SLCO5A1: variants seen among roughly 807,000 people sequenced by gnomAD.
SLCO5A1 encodes organic anion transporter polypeptide-related protein 4.
SLCO5A1 carries 39 observed loss-of-function variants against 65.1 expected under a neutral mutation model. That is an observed-to-expected ratio of 0.60 (90% CI 0.46 to 0.78). The LOEUF (loss-of-function observed/expected upper bound fraction) is 0.78, where lower values mean the gene tolerates loss of function less well. SLCO5A1 is among the 30% of genes least tolerant of loss of function. The pLI is 0.00. For synonymous variants in SLCO5A1, 438 were observed against 415.7 expected (o/e 1.05, Z -0.65); for missense variants, 1,029 against 1,069.4 (o/e 0.96, Z 0.53).
chr8:69,687,029 C>G (rs957714313), intron 6 of SLCO5A1, among the ~76,000 whole-genome samples: 1 of 134,782 alleles, frequency 7.4e-6, no homozygotes, highest in Non-Finnish European at 1.6e-5. Flanking sequence ...GGACATAACA[C>G]GCGCTAAGAT....
chr8:69,694,584 G>C (rs1365271998), intron 6 of SLCO5A1, among the ~76,000 whole-genome samples: 1 of 152,210 alleles, frequency 6.6e-6, no homozygotes, highest in Non-Finnish European at 1.5e-5. Context: ...GAGCAAAGCT[G>C]AAATGTAGCT....
At chr8:69,673,831 G>A (rs1376873665) in intron 9 of SLCO5A1, among the ~76,000 whole-genome samples, 1 of 152,166 alleles carries the variant, frequency 6.6e-6, no homozygotes, top group Non-Finnish European at 1.5e-5. Context: ...CATCTCCTAT[G>A]AGTCAGAAAC....
chr8:69,722,329 T>C (rs1271027798), intron 5 of SLCO5A1, among the ~76,000 whole-genome samples: 1 of 152,220 alleles, frequency 6.6e-6, no homozygotes, highest in Non-Finnish European at 1.5e-5. Flanking sequence ...AATTATTTAA[T>C]TGATCAATAC....
At chr8:69,786,962 G>A (rs1451302419) in intron 2 of SLCO5A1, among the ~76,000 whole-genome samples, 1 of 152,198 alleles carries the variant, frequency 6.6e-6, no homozygotes, top group African/African-American at 2.4e-5. Flanking sequence ...TAAAATGTTA[G>A]TAGATTGAAT....
chr8:69,727,715 C>G (rs555385877), intron 5 of SLCO5A1, among the ~76,000 whole-genome samples: 1 of 152,344 alleles, frequency 6.6e-6, no homozygotes, highest in South Asian at 2.1e-4. Context: ...TTTGGATTCC[C>G]AAAAGCTGTA....
chr8:69,777,513 G>C (rs1818611317), intron 2 of SLCO5A1, among the ~76,000 whole-genome samples: 2 of 111,754 alleles, frequency 1.8e-5, no homozygotes, highest in Admixed American at 2.2e-4. Flanking sequence ...GTGTGTGGGT[G>C]GGGGGTGGGG....
intron 5 of SLCO5A1, among the ~76,000 whole-genome samples, chr8:69,716,687 G>A (rs1300694242): frequency 6.6e-6 from 1 of 151,706 alleles, no homozygotes; most frequent in African/African-American, 2.4e-5. Flanking sequence ...TTTTATTATT[G>A]AGTTGTAAGA....
At chr8:69,749,520 A>C (rs1817185709) in intron 4 of SLCO5A1, among the ~76,000 whole-genome samples, 1 of 152,098 alleles carries the variant, frequency 6.6e-6, no homozygotes, top group African/African-American at 2.4e-5. Context: ...CAGGAGGCTG[A>C]GGCAGGAGAA....
At chr8:69,753,744 C>T (rs1461960256) in intron 4 of SLCO5A1, among the ~76,000 whole-genome samples, 1 of 151,998 alleles carries the variant, frequency 6.6e-6, no homozygotes, top group African/African-American at 2.4e-5. Context: ...GGCATGGTGG[C>T]TCACGCCTGT....
At chr8:69,751,515 A>C (rs1265023370) in intron 4 of SLCO5A1, among the ~76,000 whole-genome samples, 1 of 151,428 alleles carries the variant, frequency 6.6e-6, no homozygotes, top group African/African-American at 2.4e-5. Context: ...ACTTCCCAAA[A>C]GGGCGCCATT....
At chr8:69,768,826 T>C (rs1265585808) in intron 2 of SLCO5A1, among the ~76,000 whole-genome samples, 1 of 152,184 alleles carries the variant, frequency 6.6e-6, no homozygotes, top group African/African-American at 2.4e-5. Context: ...ATTCAGTCCC[T>C]AGCAGATACC....
At chr8:69,796,184 T>C (rs1484877703) in intron 2 of SLCO5A1, among the ~76,000 whole-genome samples, 2 of 152,164 alleles carry the variant, frequency 1.3e-5, no homozygotes, top group African/African-American at 2.4e-5. Context: ...TTAGTATTTG[T>C]CTTACTTTTA....
chr8:69,729,623 C>T (rs1303086736), intron 5 of SLCO5A1, among the ~76,000 whole-genome samples: 10 of 151,880 alleles, frequency 6.6e-5, no homozygotes, highest in African/African-American at 2.4e-4. Flanking sequence ...TAAGAAATTA[C>T]GGTCATTGGG....
At chr8:69,817,079 C>A (rs1267767675) in intron 2 of SLCO5A1, among the ~76,000 whole-genome samples, 1 of 152,142 alleles carries the variant, frequency 6.6e-6, no homozygotes, top group Non-Finnish European at 1.5e-5. Flanking sequence ...ATATTCACAT[C>A]ATCGTGCAAC....
intron 2 of SLCO5A1, among the ~76,000 whole-genome samples, chr8:69,774,193 T>A (rs1818464487): frequency 6.6e-6 from 1 of 152,236 alleles, no homozygotes; most frequent in Non-Finnish European, 1.5e-5. Context: ...CAGAAGCAGC[T>A]GCAGCTTCGT....
chr8:69,749,016 T>C (rs1248935580), intron 4 of SLCO5A1, among the ~76,000 whole-genome samples: 6 of 152,092 alleles, frequency 3.9e-5, no homozygotes, highest in Non-Finnish European at 5.9e-5. Flanking sequence ...AACACAAAAT[T>C]AAAGTGCTAT....
chr8:69,762,358 T>C (rs1474231597), intron 2 of SLCO5A1, among the ~76,000 whole-genome samples: 1 of 151,952 alleles, frequency 6.6e-6, no homozygotes, highest in African/African-American at 2.4e-5. Flanking sequence ...AGCTAATTTT[T>C]TGTATTTTTA....
chr8:69,778,701 T>C (rs922908779), intron 2 of SLCO5A1, among the ~76,000 whole-genome samples: 2 of 152,248 alleles, frequency 1.3e-5, no homozygotes, highest in Non-Finnish European at 2.9e-5. Context: ...GCTATCTTTG[T>C]GTAAAGTTAG....
chr8:69,697,555 G>T (rs190828089), intron 6 of SLCO5A1, among the ~76,000 whole-genome samples: 16 of 152,088 alleles, frequency 1.1e-4, no homozygotes, highest in Non-Finnish European at 1.5e-4. Context: ...AATCAAGAGT[G>T]GGGGGACAGC....
Sources: allele counts gnomAD v4.1 joint callset (sites outside exome capture counted in the v4.1 genomes callset), GRCh38; gene constraint gnomAD v4.1.1; transcripts MANE v1.5; gene names NCBI Gene and HGNC (gene_info 2026-07-23, HGNC 2026-07-21).